Variants in ARHGAP32 observed in about 807,000 individuals in gnomAD.
ARHGAP32 encodes rho GTPase-activating protein 32.
A neutral mutation model predicts 186.5 loss-of-function variants in ARHGAP32; 51 were observed. The ratio of observed to expected loss-of-function variants is 0.27; its 90% CI spans 0.22 to 0.35. ARHGAP32 has a LOEUF of 0.35. Ranked by LOEUF, ARHGAP32 falls within the 10% of genes least tolerant of loss-of-function variation. The probability of loss-of-function intolerance (pLI) is 1.00; values close to 1 mark genes in which losing one functional copy is unlikely to be tolerated. For missense variants in ARHGAP32, 2,186 were observed against 2,623.5 expected, an observed-to-expected ratio of 0.83 and a Z score of 3.64; for synonymous variants, 950 against 964.3, an observed-to-expected ratio of 0.99 and a Z score of 0.27.
chr11:129,214,909 G>A (rs1218714755), intron 1 of ARHGAP32, among the ~76,000 whole-genome samples: 1 of 152,152 alleles, frequency 6.6e-6, no homozygotes, highest in Non-Finnish European at 1.5e-5. Context: ...CATGGGCATG[G>A]CTGTTTTTCA....
chr11:129,087,256 A>G (rs1941435728), intron 6 of ARHGAP32, among the ~76,000 whole-genome samples: 1 of 152,242 alleles, frequency 6.6e-6, no homozygotes, highest in South Asian at 2.1e-4. Context: ...TACCCAAATG[A>G]ACTGAAAACT....
At chr11:129,149,109 G>A (rs895589049) in intron 2 of ARHGAP32, among the ~76,000 whole-genome samples, 1 of 152,284 alleles carries the variant, frequency 6.6e-6, no homozygotes, top group South Asian at 2.1e-4. Flanking sequence ...CCAATGCAGG[G>A]CAAGCACAGA....
intron 15 of ARHGAP32, among the ~76,000 whole-genome samples, chr11:128,983,465 AG>A (rs1945769011): frequency 7.0e-6 from 1 of 143,290 alleles, no homozygotes; most frequent in African/African-American, 2.6e-5. Flanking sequence ...GGACACAAGA[AG>A]GGGAACATCA....
At chr11:129,182,073 A>G (rs143389010) in intron 1 of ARHGAP32, among the ~76,000 whole-genome samples, 1 of 152,200 alleles carries the variant, frequency 6.6e-6, no homozygotes, top group African/African-American at 2.4e-5. Flanking sequence ...TTTCCTGGAG[A>G]CTTTCCATAT....
At chr11:128,987,895 A>G (rs1353790873) in intron 13 of ARHGAP32, 128 bp downstream of exon 13, 3 of 674,884 alleles carry the variant, frequency 4.4e-6, no homozygotes, top group South Asian at 4.1e-5. Flanking sequence ...AATAACATGT[A>G]TATTATTTCC....
chr11:129,140,828 T>C (rs1168272838), intron 2 of ARHGAP32, among the ~76,000 whole-genome samples: 1 of 151,878 alleles, frequency 6.6e-6, no homozygotes. Context: ...TACAATCTGT[T>C]CCACATCCCA....
chr11:129,007,593 C>T (rs1937853882), intron 11 of ARHGAP32, among the ~76,000 whole-genome samples: 1 of 152,048 alleles, frequency 6.6e-6, no homozygotes, highest in South Asian at 2.1e-4. Context: ...ATCCAAGATG[C>T]AAGACAAAGT....
intron 1 of ARHGAP32, among the ~76,000 whole-genome samples, chr11:129,240,065 G>A (rs987369749): frequency 2.5e-4 from 38 of 150,834 alleles, no homozygotes; most frequent in African/African-American, 8.8e-4. Flanking sequence ...TTTCTGAGAC[G>A]GAGTCTCACT....
intron 1 of ARHGAP32, among the ~76,000 whole-genome samples, chr11:129,241,967 GA>G (rs1945023895): frequency 6.6e-6 from 1 of 152,190 alleles, no homozygotes; most frequent in East Asian, 1.9e-4. Context: ...TGAAAGAGCT[GA>G]AAAACATTGT....
chr11:129,047,583 T>A (rs890363967), intron 10 of ARHGAP32, among the ~76,000 whole-genome samples: 1 of 151,870 alleles, frequency 6.6e-6, no homozygotes. Context: ...CTAAATCAAT[T>A]CACTACCATA....
At chr11:129,201,516 AT>A (rs1248243565) in intron 1 of ARHGAP32, among the ~76,000 whole-genome samples, 7 of 152,218 alleles carry the variant, frequency 4.6e-5, no homozygotes, top group Admixed American at 2.0e-4. Context: ...AACCAAAAAA[AT>A]AATCAGAAAA....
At chr11:129,073,001 C>T (rs570303041) in intron 6 of ARHGAP32, among the ~76,000 whole-genome samples, 3 of 152,260 alleles carry the variant, frequency 2.0e-5, no homozygotes, top group African/African-American at 4.8e-5. Flanking sequence ...GTCATCGTGT[C>T]CTACCTAAAG....
At chr11:128,994,544 C>T (rs1946149166) in intron 12 of ARHGAP32, among the ~76,000 whole-genome samples, 2 of 151,848 alleles carry the variant, frequency 1.3e-5, no homozygotes, top group African/African-American at 2.4e-5. Context: ...GTCTCAAACC[C>T]CTAGGCTCAG....
chr11:129,128,373 T>C (rs1371988127), intron 2 of ARHGAP32, among the ~76,000 whole-genome samples: 1 of 152,144 alleles, frequency 6.6e-6, no homozygotes, highest in Non-Finnish European at 1.5e-5. Flanking sequence ...GTATTTGACA[T>C]CCACAATCCC....
rs374582992 is a variant in ARHGAP32 at position 129,041,016 on chromosome 11, A to T, written c.964-7T>A. 6.3e-7 allele frequency: 1 copy of T among 1,580,358 alleles called. No homozygotes were observed. Among genetic ancestry groups the T allele is most frequent in the Non-Finnish European group, 8.6e-7 (1 of 1,160,776 alleles). ...GTCCAGGGAAGAGTCCCACCTGATG[A>T]AAAGCAACAAAGAAAGGATTCTAAA... On this transcript the variant is annotated splice_region_variant and splice_polypyrimidine_tract_variant and intron_variant, in intron 10 of 22. Coordinates refer to ENST00000682385, the MANE Select transcript of ARHGAP32 (RefSeq NM_001378024.1).
intron 2 of ARHGAP32, among the ~76,000 whole-genome samples, chr11:129,162,051 A>G (rs1176259221): frequency 6.6e-6 from 1 of 152,212 alleles, no homozygotes; most frequent in Non-Finnish European, 1.5e-5. Context: ...CAGGAACAGA[A>G]AACCAAACAC....
rs1477722567 is a variant in ARHGAP32, at chr11:128,971,116, C to T, written c.4097G>A (p.Arg1366Gln). 9 of 1,614,036 alleles carry T rather than the reference C, an allele frequency of 5.6e-6. No homozygotes were observed. The highest frequency in any genetic ancestry group is 4.5e-5 in the East Asian group (2 of 44,880). The change falls in exon 23 of 23, where the codon CGA becomes CAA. Residue 1366 changes from arginine (R) to glutamine (Q), a missense_variant. Around this residue, in one of 5 missense-constraint regions of ARHGAP32, gnomAD observed 1,502 missense variants for 1,570.0 expected, o/e 0.96. Coordinates refer to ENST00000682385, the MANE Select transcript of ARHGAP32 (RefSeq NM_001378024.1). ...VPVPERPPEP[R>Q]AMDDPASAFI... The stretch of plus-strand genomic sequence containing the variant: ...GGCAGACGCAGGGTCATCCATGGCT[C>T]GAGGTTCAGGTGGCCTCTCTGGAAC...
intron 6 of ARHGAP32, among the ~76,000 whole-genome samples, chr11:129,088,339 T>C (rs1188700097): frequency 6.6e-6 from 1 of 152,210 alleles, no homozygotes; most frequent in Non-Finnish European, 1.5e-5. Context: ...CCCAGCACTT[T>C]GGGAGGCCAA....
chr11:128,973,177 G>A lies in ARHGAP32; in HGVS notation c.3329C>T (p.Ala1110Val), dbSNP rs374876936. 6.2e-7 allele frequency: 1 copy of A among 1,614,134 alleles called. No individual in the cohort carries two copies. Among genetic ancestry groups the A allele is most frequent in the Non-Finnish European group, 8.5e-7 (1 of 1,180,032 alleles). ...SSYSAVALDKAYFQTDRPAEQ... is the reference protein window; with the variant it reads ...SSYSAVALDKVYFQTDRPAEQ... Reference sequence around the variant, plus strand: ...TGCTGGTCGATCGGTTTGGAAATAGGCCTTATCTAGAGCAACTGCAGAGTA... The same window carrying A: ...TGCTGGTCGATCGGTTTGGAAATAGACCTTATCTAGAGCAACTGCAGAGTA... Residue 1110 changes from alanine (A) to valine (V), a missense_variant, in exon 22 of 23, where the codon GCC becomes GTC. Physicochemically the swap from Ala to Val is moderately conservative, Grantham distance 64. Around this residue, in one of 5 missense-constraint regions of ARHGAP32, gnomAD observed 1,502 missense variants for 1,570.0 expected, o/e 0.96. Coordinates refer to ENST00000682385, the MANE Select transcript of ARHGAP32 (RefSeq NM_001378024.1).
Sources: gnomAD v4.1 joint callset for allele counts (sites outside exome capture counted in the v4.1 genomes callset) on GRCh38, gnomAD v4.1.1 for gene constraint, gnomAD v4.1.1 regional missense constraint, MANE v1.5 for transcripts, NCBI Gene and HGNC (gene_info 2026-07-23, HGNC 2026-07-21) for gene names.